UBR4: variants seen among roughly 807,000 people sequenced by gnomAD.
The protein encoded by UBR4 is E3 ubiquitin-protein ligase UBR4.
UBR4 carries 124 observed loss-of-function variants against 575.6 expected under a neutral mutation model. The observed-to-expected ratio is 0.22, with a 90% CI of 0.19 to 0.25. The LOEUF is 0.25. Ranked by LOEUF, UBR4 falls within the 10% of genes least tolerant of loss-of-function variation. The probability of loss-of-function intolerance (pLI) is 1.00; values close to 1 mark genes in which losing one functional copy is unlikely to be tolerated. For synonymous variants in UBR4, 2,455 were observed against 2,473.7 expected (o/e 0.99, Z 0.22); for missense variants, 4,818 against 6,478.8 (o/e 0.74, Z 8.80).
At chr1:19,197,359 T>A in intron 7 of UBR4, 94 bp from the exon 8 acceptor site, 1 of 1,538,170 alleles carries the variant, frequency 6.5e-7, no homozygotes, top group Non-Finnish European at 8.9e-7. Flanking sequence ...CCCGGCACAG[T>A]GGCTCACGCC....
At chr1:19,189,027 G>C (rs1252290070) in intron 11 of UBR4, among the ~76,000 whole-genome samples, 1 of 151,708 alleles carries the variant, frequency 6.6e-6, no homozygotes, top group South Asian at 2.1e-4. Flanking sequence ...GAAAACCAAG[G>C]CAAAGGACAT....
chr1:19,162,962 TC>T (rs1273057996), intron 34 of UBR4, among the ~76,000 whole-genome samples: 3 of 152,172 alleles, frequency 2.0e-5, no homozygotes, highest in African/African-American at 4.8e-5. Context: ...CATTAGCATT[TC>T]CCCCCTAACA....
rs796272136 is a variant in UBR4 at position 19,096,739 on chromosome 1, T to C, written c.13391-89A>G. ...AGGATAAGACAGCCCTATTCCTGGCTGATGGCTGACAGCCCTTTTCCGTAT... is the reference window on the plus strand; with the variant it reads ...AGGATAAGACAGCCCTATTCCTGGCCGATGGCTGACAGCCCTTTTCCGTAT... On this transcript the variant is annotated intron_variant, in intron 91 of 105. Coordinates refer to ENST00000375254, the MANE Select transcript of UBR4 (RefSeq NM_020765.3). 82 of 1,527,016 alleles carry C rather than the reference T, an allele frequency of 5.4e-5. 1 individual carries two copies. In the African/African-American group the frequency reaches 1.1e-3, roughly 20 times the overall value. 94.6% of individuals were successfully genotyped at this position (1,527,016 alleles called of 1,614,324 possible).
intron 74 of UBR4, 121 bp from the exon 75 acceptor site, chr1:19,115,070 G>A (rs2080335826): frequency 2.9e-6 from 4 of 1,400,168 alleles, no homozygotes; most frequent in African/African-American, 1.4e-5. Flanking sequence ...GGCTACTGAA[G>A]GGACAATAAC....
intron 50 of UBR4, 108 bp downstream of exon 50, chr1:19,148,455 T>G (rs936992425): frequency 7.3e-7 from 1 of 1,377,334 alleles, no homozygotes; most frequent in African/African-American, 1.4e-5. Flanking sequence ...AAATCAAGAT[T>G]ATGCTACTAT....
At chr1:19,170,954 G>T in intron 25 of UBR4, 71 bp from the exon 26 acceptor site, 1 of 1,606,726 alleles carries the variant, frequency 6.2e-7, no homozygotes, top group South Asian at 1.1e-5. Flanking sequence ...ACTGGCCCTA[G>T]ACTGGCTGAA....
At chr1:19,141,018 G>A (rs1571006956) in intron 57 of UBR4, 126 bp from the exon 58 acceptor site, 1 of 1,021,412 alleles carries the variant, frequency 9.8e-7, no homozygotes, top group East Asian at 2.6e-5. Context: ...CCTAGAGGAA[G>A]TTAGCTAGCA....
rs759453112 is a variant in UBR4, at chr1:19,089,058, C to G, written c.14212-81G>C. ...TCCCGGGAGCTTAAAGGTTTAGAAA[C>G]TCAACCAGCATGCACCATCTCATGT... On this transcript the variant is annotated intron_variant, in intron 97 of 105. Coordinates refer to ENST00000375254, the MANE Select transcript of UBR4 (RefSeq NM_020765.3). This position sits in a 1 kb window ranked among gnomAD's most constrained non-coding sequence, Gnocchi z 4.3. 1.4e-6 allele frequency: 2 copies of G among 1,426,226 alleles called. No individual in the cohort carries two copies. Among genetic ancestry groups the G allele is most frequent in the Non-Finnish European group, 1.9e-6 (2 of 1,037,832 alleles). 88.3% of individuals were successfully genotyped at this position (1,426,226 alleles called of 1,614,324 possible). A position where few individuals can be genotyped will look rare whatever the true frequency, so the allele number is the denominator to read the frequency against.
At position 19,185,115 on chromosome 1, in the gene UBR4, C is replaced by T. The variant is rs370057018; in HGVS notation, c.1922G>A (p.Arg641His). ...TACTCTTACCAACTCAGGATCTTTG[C>T]GACTCGCCAGAATGTTGCCCTTCTC... ...PGEKGNILAS[R>H]KDPELFLGLA... The change falls in exon 15 of 106, where the codon CGC (arginine) becomes CAC (histidine). Residue 641 changes from arginine to histidine, a missense_variant. By Grantham distance (29) the Arg-to-His change is conservative. Transcript: ENST00000375254. 63 of 1,614,026 alleles carry T rather than the reference C, an allele frequency of 3.9e-5. No individual in the cohort carries two copies. The highest frequency in any genetic ancestry group is 4.7e-5 in the Non-Finnish European group (55 of 1,180,036).
In UBR4 at chr1:19,203,175, TAGTG is replaced by T. The variant is rs2151750509; in HGVS notation, c.177-1364_177-1361del. Among the ~76,000 whole-genome samples, 4 of 152,210 alleles carry T rather than the reference TAGTG, an allele frequency of 2.6e-5. 1 individual carries two copies. The highest frequency in any genetic ancestry group is 2.6e-4 in the Admixed American group (4 of 15,272). ...CAACAGTGTGGTTGAACAGTTTACT[TAGTG>T]AGTCAATCCCCAGCAGAAGTATCAA... On this transcript the variant is annotated intron_variant, in intron 1 of 105. Coordinates refer to ENST00000375254, the MANE Select transcript of UBR4 (RefSeq NM_020765.3).
intron 102 of UBR4, among the ~76,000 whole-genome samples, chr1:19,083,288 C>G (rs1046655699): frequency 2.0e-5 from 3 of 152,066 alleles, no homozygotes; most frequent in East Asian, 3.9e-4. Context: ...AACAATGAAG[C>G]CTGTGGTCTC....
intron 9 of UBR4, 130 bp from the exon 10 acceptor site, chr1:19,192,670 T>G (rs1465735330): frequency 1.0e-6 from 1 of 984,942 alleles, no homozygotes; most frequent in Non-Finnish European, 1.6e-6. Context: ...TCCATCGTAC[T>G]TTCCTTGACC....
chr1:19,084,721 A>G (rs1293602313), intron 101 of UBR4, 23 bp from the exon 102 acceptor site: 1 of 1,577,154 alleles, frequency 6.3e-7, no homozygotes. Flanking sequence ...AGAACAAACA[A>G]TGAAATGGAA....
intron 70 of UBR4, among the ~76,000 whole-genome samples, chr1:19,119,298 C>A (rs16862550): frequency 1.3e-5 from 2 of 152,290 alleles, no homozygotes; most frequent in Admixed American, 6.5e-5. Context: ...CTTGCTTTTC[C>A]AAGGAACTGT....
At chr1:19,202,284 C>T (rs1399176765) in intron 1 of UBR4, among the ~76,000 whole-genome samples, 1 of 152,100 alleles carries the variant, frequency 6.6e-6, no homozygotes, top group South Asian at 2.1e-4. Flanking sequence ...GACTAACAAA[C>T]AGAAAACATT....
rs1478194082 is a variant in UBR4, at chr1:19,210,177, G to A, written c.72C>T (p.Asp24=). ...PAPGTPATGA[D]TTPGWEVAVR... ...CAGCCACCTCCCAGCCCGGGGTCGT[G>A]TCCGCCCCCGTTGCCGGGGTCCCCG... Residue 24 remains aspartate, a synonymous_variant, in exon 1 of 106, where the codon GAC becomes GAT. Coordinates refer to ENST00000375254, the MANE Select transcript of UBR4 (RefSeq NM_020765.3). The A allele has an allele frequency of 2.6e-6, 4 of 1,510,212 alleles. No homozygotes were observed. The highest frequency in any genetic ancestry group is 2.6e-6 in the Non-Finnish European group (3 of 1,135,710). 93.6% of individuals were successfully genotyped at this position (1,510,212 alleles called of 1,614,324 possible).
chr1:19,168,016 T>C lies in UBR4; in HGVS notation c.3899+11A>G, dbSNP rs183678495. ...ACATAGAGTCCTTGGGGCTAGGTAG[T>C]AGGTACTTACACAATAAGATCTCCA... On this transcript the variant is annotated intron_variant, in intron 28 of 105. Transcript: ENST00000375254. 14 of 1,605,168 alleles carry C rather than the reference T, an allele frequency of 8.7e-6. No individual in the cohort carries two copies. Among genetic ancestry groups the C allele is most frequent in the Non-Finnish European group, 1.1e-5 (13 of 1,173,770 alleles).
rs1371314876 is a variant in UBR4, at chr1:19,146,252, C to G, written c.7805-319G>C. On this transcript the variant is annotated intron_variant, in intron 52 of 105. Transcript: ENST00000375254. ...AGGAACATCTGAACATTCTAGAGAT[C>G]TCTCTAGAACAATTCTGGGATTGTA... is the stretch of plus-strand genomic sequence containing the variant. 14 of 514,612 alleles carry G rather than the reference C, an allele frequency of 2.7e-5. No homozygotes were observed. In the Admixed American group the frequency reaches 5.1e-4, roughly 19 times the overall value. The allele number at this position is 514,612 out of a possible 1,614,324, so 31.9% of individuals were successfully genotyped here.
Position 19,155,015 on chromosome 1 carries a change from T to C in UBR4, c.6361A>G (p.Met2121Val). ...VSVYYSHVLQ[M>V]LFFSYCQGKS... is the part of the protein sequence containing the mutation. ...CCTTGACAATAGCTGAAGAACAACA[T>C]CTGCAACACGTGGGAGTAGTACACG... The change falls in exon 44 of 106, where the codon ATG becomes GTG. Residue 2121 changes from methionine to valine, a missense_variant. Physicochemically the swap from Met to Val is conservative, Grantham distance 21 (BLOSUM62 1). This residue lies in a region of UBR4 where 461 missense variants were observed against 606.9 expected (regional missense o/e 0.76). Transcript: ENST00000375254. The C allele has an allele frequency of 6.2e-7, 1 of 1,614,158 alleles. No homozygotes were observed. Among genetic ancestry groups the C allele is most frequent in the Non-Finnish European group, 8.5e-7 (1 of 1,180,026 alleles).
Sources: allele counts gnomAD v4.1 joint callset (sites outside exome capture counted in the v4.1 genomes callset), GRCh38; gene constraint gnomAD v4.1.1; regional missense constraint gnomAD v4.1.1; non-coding constraint Gnocchi (gnomAD v3.1); transcripts MANE v1.5; gene names NCBI Gene and HGNC (gene_info 2026-07-23, HGNC 2026-07-21).